The following NCOA2 variants were observed in gnomAD, a reference collection of about 807,000 sequenced individuals.
NCOA2 encodes the protein class E basic helix-loop-helix protein 75.
In NCOA2, 21 loss-of-function variants were observed where a neutral mutation model predicts 145.1. The ratio of observed to expected loss-of-function variants is 0.14; its 90% CI spans 0.10 to 0.21. NCOA2 has a LOEUF of 0.21. NCOA2 is among the 10% of genes least tolerant of loss of function. The pLI is 1.00. For missense variants in NCOA2, 1,472 were observed against 1,837.6 expected, an observed-to-expected ratio of 0.80 and a Z score of 3.64; for synonymous variants, 619 against 637.5, an observed-to-expected ratio of 0.97 and a Z score of 0.44.
chr8:70,141,432 A>G (rs760432525), intron 13 of NCOA2, 33 bp from the exon 14 acceptor site: 1 of 1,573,236 alleles, frequency 6.4e-7, no homozygotes, highest in Non-Finnish European at 8.7e-7. Context: ...TGAGAGATGC[A>G]GTAACTGAAA....
chr8:70,191,997 G>C (rs571412940), intron 4 of NCOA2, among the ~76,000 whole-genome samples: 2 of 152,120 alleles, frequency 1.3e-5, no homozygotes, highest in Non-Finnish European at 2.9e-5. Flanking sequence ...AGCTGAGATC[G>C]TGCCACTGCA....
At chr8:70,203,421 G>A (rs753264633) in intron 4 of NCOA2, among the ~76,000 whole-genome samples, 7 of 151,582 alleles carry the variant, frequency 4.6e-5, no homozygotes, top group African/African-American at 9.7e-5. Flanking sequence ...AAATAGGATC[G>A]TTCTTATTGA....
chr8:70,335,840 T>C (rs1157629510), intron 1 of NCOA2, among the ~76,000 whole-genome samples: 1 of 152,172 alleles, frequency 6.6e-6, no homozygotes, highest in African/African-American at 2.4e-5. Context: ...GTATAGCCTA[T>C]TGCTTCCAGA....
chr8:70,281,436 T>C (rs1015588183), intron 2 of NCOA2, among the ~76,000 whole-genome samples: 6 of 150,936 alleles, frequency 4.0e-5, no homozygotes, highest in African/African-American at 1.2e-4. Context: ...TGCATTAACT[T>C]AAATCTCTCT....
intron 4 of NCOA2, 31 bp downstream of exon 4, chr8:70,213,872 A>G: frequency 1.3e-6 from 2 of 1,529,964 alleles, no homozygotes; most frequent in Non-Finnish European, 1.8e-6. Context: ...AACCAATTCA[A>G]CTCTTCAAAA....
intron 1 of NCOA2, among the ~76,000 whole-genome samples, chr8:70,350,415 T>C (rs1809073689): frequency 6.6e-6 from 1 of 152,192 alleles, no homozygotes; most frequent in Non-Finnish European, 1.5e-5. Flanking sequence ...CCAAAAGAGC[T>C]AAAAATTGAC....
intron 2 of NCOA2, among the ~76,000 whole-genome samples, chr8:70,217,476 CT>C (rs1277777288): frequency 2.0e-5 from 3 of 152,130 alleles, no homozygotes; most frequent in African/African-American, 7.2e-5. Context: ...ATCCTGCCGC[CT>C]CCAAACTTTC....
intron 1 of NCOA2, among the ~76,000 whole-genome samples, chr8:70,358,078 A>G (rs988766220): frequency 6.6e-6 from 1 of 152,102 alleles, no homozygotes. Context: ...ACAACAACAA[A>G]AAAAACCCTA....
At position 70,123,981 on chromosome 8, in the gene NCOA2, C is replaced by G. The variant is rs370314399; in HGVS notation, c.4196G>C (p.Gly1399Ala). 4 of 1,614,008 alleles carry G rather than the reference C, an allele frequency of 2.5e-6. No individual in the cohort carries two copies. Among genetic ancestry groups the G allele is most frequent in the South Asian group, 1.1e-5 (1 of 91,074 alleles). ...CATCTGGTTCATGCTGCTCATGCCA[C>G]CTGTGTTGGTCGCCATGGACACATT... Reference protein sequence around the residue: ...NINVSMATNTGGMSSMNQMTG... With the variant: ...NINVSMATNTAGMSSMNQMTG... The change falls in exon 21 of 23, where the codon GGT becomes GCT. Residue 1399 changes from glycine (G) to alanine (A), a missense_variant. Transcript: ENST00000452400.
At chr8:70,150,102 T>A (rs1585849818) in intron 11 of NCOA2, among the ~76,000 whole-genome samples, 2 of 152,350 alleles carry the variant, frequency 1.3e-5, no homozygotes, top group Middle Eastern at 6.8e-3. Context: ...ATTTGGTTCT[T>A]CTCAGAGACA....
At chr8:70,355,662 G>T (rs912878641) in intron 1 of NCOA2, among the ~76,000 whole-genome samples, 1 of 151,950 alleles carries the variant, frequency 6.6e-6, no homozygotes, top group Non-Finnish European at 1.5e-5. Flanking sequence ...CAATGTGGGG[G>T]AAGCCAAAAG....
At chr8:70,165,051 A>G (rs1813455653) in intron 7 of NCOA2, among the ~76,000 whole-genome samples, 1 of 152,218 alleles carries the variant, frequency 6.6e-6, no homozygotes, top group African/African-American at 2.4e-5. Flanking sequence ...TTAACATAGA[A>G]CGTACTTTTA....
Position 70,110,351 on chromosome 8 carries a change from G to T in NCOA2, c.*3281C>A, listed in dbSNP as rs1170039842. The stretch of plus-strand genomic sequence containing the variant: ...AAAACAGATCTAAGGCATTATGCTA[G>T]ATTTTAGCATTTTGAGGTTCTTGCA... On this transcript the variant is annotated 3_prime_UTR_variant, in exon 23 of 23. Transcript: ENST00000452400. The T allele has an allele frequency of 5.1e-6, 1 of 195,416 alleles. No homozygotes were observed. The highest frequency in any genetic ancestry group is 1.1e-5 in the Non-Finnish European group (1 of 94,076). 12.1% of individuals were successfully genotyped at this position (195,416 alleles called of 1,614,324 possible).
chr8:70,183,967 A>G (rs1398155788), intron 4 of NCOA2, among the ~76,000 whole-genome samples: 1 of 152,224 alleles, frequency 6.6e-6, no homozygotes, highest in African/African-American at 2.4e-5. Context: ...AATTCCATTT[A>G]GCCAGGGCTG....
At chr8:70,158,735 G>C (rs929646867) in intron 10 of NCOA2, among the ~76,000 whole-genome samples, 2 of 152,144 alleles carry the variant, frequency 1.3e-5, no homozygotes, top group Admixed American at 6.5e-5. Flanking sequence ...CTGGGAGACA[G>C]AGCAAGACTC....
chr8:70,438,206 AT>A, the NCOA2 span, among the ~76,000 whole-genome samples: 13 of 152,350 alleles, frequency 8.5e-5, no homozygotes, highest in Admixed American at 1.3e-4. Flanking sequence ...TTACAATAGT[AT>A]GCACTAATTA....
At chr8:70,456,072 G>A in the NCOA2 span, among the ~76,000 whole-genome samples, 23 of 147,702 alleles carry the variant, frequency 1.6e-4, no homozygotes, top group African/African-American at 4.5e-4. Flanking sequence ...GTAACATTGC[G>A]TAGCAAAAAA....
At chr8:70,357,941 C>T (rs997808235) in intron 1 of NCOA2, among the ~76,000 whole-genome samples, 1 of 151,978 alleles carries the variant, frequency 6.6e-6, no homozygotes, top group Non-Finnish European at 1.5e-5. Flanking sequence ...ATCCCAGCTA[C>T]TTGGGAGGCT....
intron 1 of NCOA2, among the ~76,000 whole-genome samples, chr8:70,388,769 GCA>G (rs144931461): frequency 2.0e-5 from 3 of 151,348 alleles, no homozygotes; most frequent in Admixed American, 6.6e-5. Context: ...AAGCACACAC[GCA>G]CACACACACA....
Sources: gnomAD v4.1 joint callset for allele counts (sites outside exome capture counted in the v4.1 genomes callset) on GRCh38, gnomAD v4.1.1 for gene constraint, MANE v1.5 for transcripts, NCBI Gene and HGNC (gene_info 2026-07-23, HGNC 2026-07-21) for gene names.